The following RAB5A variants were observed in gnomAD, a reference collection of about 807,000 sequenced individuals.
RAB5A encodes the protein RAB5A, member RAS oncogene family.
A neutral mutation model predicts 25.7 loss-of-function variants in RAB5A; 8 were observed. That is an observed-to-expected ratio of 0.31 (90% confidence interval 0.18 to 0.56). The LOEUF is 0.56. Among genes scored for constraint, RAB5A ranks in the 20% least tolerant of loss-of-function variants. The pLI is 0.91. For missense variants in RAB5A, 192 were observed against 259.7 expected (o/e 0.74, Z 1.79); for synonymous variants, 98 against 89.8 (o/e 1.09, Z -0.52).
chr3:19,972,215 C>G (rs895310580), intron 2 of RAB5A, among the ~76,000 whole-genome samples: 2 of 152,158 alleles, frequency 1.3e-5, no homozygotes, highest in South Asian at 4.1e-4. Context: ...GTGAAACAAA[C>G]GAATTTCATG....
chr3:19,975,808 C>A, intron 3 of RAB5A, 56 bp downstream of exon 3: 1 of 1,502,244 alleles, frequency 6.7e-7, no homozygotes, highest in Non-Finnish European at 9.0e-7. Context: ...TTTTGGTGTT[C>A]AGAATTTTGA....
At chr3:19,966,694 T>C (rs144794587) in intron 2 of RAB5A, among the ~76,000 whole-genome samples, 3,109 of 152,322 alleles carry the variant, frequency 0.02, 58 homozygotes, top group Middle Eastern at 0.048. Context: ...CTTGGTTTGA[T>C]CATAGCCATT....
chr3:19,964,378 A>T (rs1179236624), intron 2 of RAB5A, among the ~76,000 whole-genome samples: 3 of 151,888 alleles, frequency 2.0e-5, no homozygotes, highest in African/African-American at 7.3e-5. Flanking sequence ...GTACCCTGTC[A>T]TTTTTTTAAA....
intron 2 of RAB5A, among the ~76,000 whole-genome samples, chr3:19,971,621 A>G (rs1445684599): frequency 6.6e-6 from 1 of 151,976 alleles, no homozygotes; most frequent in African/African-American, 2.4e-5. Flanking sequence ...ACAGGCATGC[A>G]CCACCATGCC....
intron 2 of RAB5A, among the ~76,000 whole-genome samples, chr3:19,956,314 C>T (rs1453166446): frequency 6.6e-6 from 1 of 152,050 alleles, no homozygotes; most frequent in Non-Finnish European, 1.5e-5. Context: ...ATTAGCTAGG[C>T]GTGGTGGTGG....
chr3:19,979,408 C>G (rs1022489422), intron 5 of RAB5A, among the ~76,000 whole-genome samples: 3 of 151,674 alleles, frequency 2.0e-5, no homozygotes, highest in African/African-American at 7.3e-5. Flanking sequence ...CTCAGCCTCT[C>G]CTGTAGCTGG....
At chr3:19,982,495 T>C (rs1376369204) in intron 5 of RAB5A, among the ~76,000 whole-genome samples, 1 of 152,194 alleles carries the variant, frequency 6.6e-6, no homozygotes, top group African/African-American at 2.4e-5. Context: ...GCAACTCTTA[T>C]CTATTTCCCC....
intron 2 of RAB5A, among the ~76,000 whole-genome samples, chr3:19,953,654 T>C (rs1211666164): frequency 1.3e-5 from 2 of 152,136 alleles, no homozygotes; most frequent in Non-Finnish European, 2.9e-5. Context: ...GTGATCTGCC[T>C]ACCTCGGGCT....
intron 1 of RAB5A, among the ~76,000 whole-genome samples, chr3:19,949,244 T>G (rs893249570): frequency 2.6e-5 from 4 of 152,180 alleles, no homozygotes; most frequent in African/African-American, 9.7e-5. Context: ...TGGTAAAAGA[T>G]AAGGACTCTA....
chr3:19,968,255 T>C (rs928668839), intron 2 of RAB5A, among the ~76,000 whole-genome samples: 2 of 152,182 alleles, frequency 1.3e-5, no homozygotes, highest in Non-Finnish European at 2.9e-5. Context: ...ACTTACACAT[T>C]GGGATTGTTT....
At chr3:19,949,042 T>C (rs1696381394) in intron 1 of RAB5A, among the ~76,000 whole-genome samples, 1 of 152,192 alleles carries the variant, frequency 6.6e-6, no homozygotes, top group Admixed American at 6.5e-5. Context: ...TCACATCAGC[T>C]ATGCAAGTTA....
chr3:19,973,131 C>G (rs1475500506), intron 2 of RAB5A, among the ~76,000 whole-genome samples: 1 of 152,164 alleles, frequency 6.6e-6, no homozygotes, highest in Non-Finnish European at 1.5e-5. Context: ...TATACACATA[C>G]TTTGCAATTT....
intron 2 of RAB5A, among the ~76,000 whole-genome samples, chr3:19,971,215 AC>A (rs1360218926): frequency 1.4e-5 from 2 of 145,010 alleles, no homozygotes; most frequent in East Asian, 3.9e-4. Flanking sequence ...AAAAAAAAAA[AC>A]ACTATAGTAG....
At chr3:19,981,765 A>T (rs1696932933) in intron 5 of RAB5A, among the ~76,000 whole-genome samples, 1 of 152,170 alleles carries the variant, frequency 6.6e-6, no homozygotes, top group Admixed American at 6.5e-5. Flanking sequence ...CACTAGCTGT[A>T]TAGAGCTTGG....
intron 2 of RAB5A, among the ~76,000 whole-genome samples, chr3:19,953,549 A>C (rs1215363029): frequency 6.6e-6 from 1 of 151,996 alleles, no homozygotes; most frequent in Non-Finnish European, 1.5e-5. Context: ...CTGGGACTAC[A>C]GGCGCAAGCC....
chr3:19,963,376 C>CCCCCCCCG (rs869290360), intron 2 of RAB5A, among the ~76,000 whole-genome samples: 1 of 86,872 alleles, frequency 1.2e-5, no homozygotes, highest in Non-Finnish European at 2.3e-5. Context: ...CCCCCCCCCC[C>CCCCCCCCG]CCGACTTATT....
At chr3:19,959,769 G>A (rs1696559378) in intron 2 of RAB5A, among the ~76,000 whole-genome samples, 1 of 151,888 alleles carries the variant, frequency 6.6e-6, no homozygotes, top group African/African-American at 2.4e-5. Context: ...TGGGACTACA[G>A]GTGTGCACCA....
At chr3:19,978,178 T>C (rs770150956) in intron 4 of RAB5A, 132 bp from the exon 5 acceptor site, 16 of 698,896 alleles carry the variant, frequency 2.3e-5, no homozygotes, top group Non-Finnish European at 3.3e-5. Context: ...TATATAGTTG[T>C]TGATTATAGA....
chr3:19,982,859 G>A (rs1453426269), intron 5 of RAB5A, among the ~76,000 whole-genome samples: 8 of 152,112 alleles, frequency 5.3e-5, no homozygotes, highest in Non-Finnish European at 1.5e-5. Flanking sequence ...ATCACAATTC[G>A]GGGTGATAAT....
Sources: gnomAD v4.1 joint callset for allele counts (sites outside exome capture counted in the v4.1 genomes callset) on GRCh38, gnomAD v4.1.1 for gene constraint, MANE v1.5 for transcripts, NCBI Gene and HGNC (gene_info 2026-07-23, HGNC 2026-07-21) for gene names.